Variants in MSI2 observed in about 807,000 individuals in gnomAD.
MSI2 encodes RNA-binding protein Musashi homolog 2.
MSI2 carries 17 observed loss-of-function variants against 45.6 expected under a neutral mutation model. The ratio of observed to expected loss-of-function variants is 0.37; its 90% CI spans 0.26 to 0.56. The LOEUF (loss-of-function observed/expected upper bound fraction) is 0.56, where lower values mean the gene tolerates loss of function less well. Ranked by LOEUF, MSI2 falls within the 20% of genes least tolerant of loss-of-function variation. The pLI is 0.77. For synonymous variants in MSI2, 156 were observed against 158.2 expected, an observed-to-expected ratio of 0.99 and a Z score of 0.11; for missense variants, 293 against 444.2, an observed-to-expected ratio of 0.66 and a Z score of 3.06.
At chr17:57,571,468 G>A (rs1336404613) in intron 7 of MSI2, among the ~76,000 whole-genome samples, 4 of 152,166 alleles carry the variant, frequency 2.6e-5, no homozygotes, top group African/African-American at 9.7e-5. Context: ...GGTTTCTGGT[G>A]GACCTGGTAG....
At chr17:57,516,393 T>A (rs1174012434) in intron 6 of MSI2, among the ~76,000 whole-genome samples, 26 of 152,204 alleles carry the variant, frequency 1.7e-4, no homozygotes, top group Admixed American at 1.3e-3. Context: ...ATTGTAGGAA[T>A]GGAATGGAAT....
At chr17:57,446,649 CA>C (rs2084905547) in intron 6 of MSI2, among the ~76,000 whole-genome samples, 1 of 152,220 alleles carries the variant, frequency 6.6e-6, no homozygotes, top group Non-Finnish European at 1.5e-5. Flanking sequence ...ATGTTCTTAA[CA>C]GTGCCACTAA....
chr17:57,400,252 T>C (rs1292128891), intron 5 of MSI2, among the ~76,000 whole-genome samples: 1 of 152,032 alleles, frequency 6.6e-6, no homozygotes, highest in African/African-American at 2.4e-5. Context: ...TTCTCCTTTT[T>C]TTTTTTTATT....
At position 57,627,756 on chromosome 17, in the gene MSI2, G is replaced by A. The variant is rs1018962969; in HGVS notation, c.727+453G>A. On this transcript the variant is annotated intron_variant, in intron 10 of 13. Transcript: ENST00000284073. This position sits in a 1 kb window ranked among gnomAD's most constrained non-coding sequence, Gnocchi z 4.6. ...CCTCCACCCCTCCTCCTCCTGCTCC[G>A]TCCTGACTGCTGTGGCTTCGGCGTC... is the stretch of plus-strand genomic sequence containing the variant. 12 of 196,824 alleles carry A rather than the reference G, an allele frequency of 6.1e-5. No individual in the cohort carries two copies. The highest frequency in any genetic ancestry group is 1.9e-4 in the South Asian group (2 of 10,618). 12.2% of individuals were successfully genotyped at this position (196,824 alleles called of 1,614,324 possible). A position where few individuals can be genotyped will look rare whatever the true frequency, so the allele number is the denominator to read the frequency against.
chr17:57,679,467 C>T (rs1487092939), intron 13 of MSI2, 82 bp from the exon 14 acceptor site: 1 of 723,326 alleles, frequency 1.4e-6, no homozygotes, highest in Non-Finnish European at 1.7e-6. Context: ...AAATCGCATA[C>T]TTGTCTGACA....
chr17:57,679,153 T>G lies in MSI2; in HGVS notation c.*32-396T>G, dbSNP rs142520658. ...GTTTTTTTTGTTTGTTTGTTTGTTT[T>G]TTTAACATTTAGCTTTGAAAACAGA... is the stretch of plus-strand genomic sequence containing the variant. On this transcript the variant is annotated intron_variant, in intron 13 of 13. Transcript: ENST00000284073. Among the ~76,000 whole-genome samples the G allele has an allele frequency of 6.6e-4, 100 of 152,374 alleles. 1 individual carries two copies. The East Asian group carries it at 0.016, about 24-fold the overall frequency.
intron 7 of MSI2, among the ~76,000 whole-genome samples, chr17:57,577,072 G>C (rs1003604262): frequency 6.6e-6 from 1 of 152,120 alleles, no homozygotes; most frequent in Non-Finnish European, 1.5e-5. Flanking sequence ...ACAGTATTAC[G>C]GGAAAAATTC....
Position 57,256,778 on chromosome 17 carries a change from C to T in MSI2, c.36C>T (p.Ser12=). Residue 12 remains serine, a synonymous_variant, in exon 1 of 14, where the codon AGC becomes AGT. Coordinates refer to ENST00000284073, the MANE Select transcript of MSI2 (RefSeq NM_138962.4). ...EANGSQGTSG[S]ANDSQHDPGK... is the part of the protein sequence containing the mutation. ...ATGGGAGCCAAGGCACCTCGGGCAGCGCCAACGACTCCCAGCACGACCCCG... is the reference window on the plus strand; with the variant it reads ...ATGGGAGCCAAGGCACCTCGGGCAGTGCCAACGACTCCCAGCACGACCCCG... The T allele has an allele frequency of 6.8e-7, 1 of 1,478,838 alleles. No homozygotes were observed. Among genetic ancestry groups the T allele is most frequent in the Non-Finnish European group, 9.0e-7 (1 of 1,116,694 alleles). 91.6% of individuals were successfully genotyped at this position (1,478,838 alleles called of 1,614,324 possible). A position where few individuals can be genotyped will look rare whatever the true frequency, so the allele number is the denominator to read the frequency against.
chr17:57,504,632 A>C (rs899622689), intron 6 of MSI2, among the ~76,000 whole-genome samples: 3 of 152,140 alleles, frequency 2.0e-5, no homozygotes, highest in African/African-American at 7.2e-5. Flanking sequence ...TGAAGCAAAG[A>C]GAGTTGTAGA....
chr17:57,421,956 C>T (rs774200572), intron 6 of MSI2, among the ~76,000 whole-genome samples: 1 of 152,176 alleles, frequency 6.6e-6, no homozygotes, highest in Non-Finnish European at 1.5e-5. Flanking sequence ...CAGTGTTTGA[C>T]ATTTTGGGCT....
chr17:57,401,290 A>G, intron 5 of MSI2, 89 bp from the exon 6 acceptor site: 1 of 1,076,508 alleles, frequency 9.3e-7, no homozygotes, highest in Non-Finnish European at 1.4e-6. Context: ...TCCTAGAGAA[A>G]TGTGGAGAGC....
chr17:57,529,734 C>T lies in MSI2; in HGVS notation c.454+10C>T, dbSNP rs949840646. On this transcript the variant is annotated intron_variant, in intron 7 of 13. Coordinates refer to ENST00000284073, the MANE Select transcript of MSI2 (RefSeq NM_138962.4). This position sits in a 1 kb window ranked among gnomAD's most constrained non-coding sequence, Gnocchi z 5.3. Reference sequence around the variant, plus strand: ...ACCAACAGGCACAGAGGTAAGATTACCCCAGTGTAAGAGGGTTGCGTTCAC... The same window carrying T: ...ACCAACAGGCACAGAGGTAAGATTATCCCAGTGTAAGAGGGTTGCGTTCAC... 7 of 1,611,312 alleles carry T rather than the reference C, an allele frequency of 4.3e-6. No individual in the cohort carries two copies. Among genetic ancestry groups the T allele is most frequent in the African/African-American group, 1.3e-5 (1 of 74,790 alleles).
At chr17:57,310,986 G>A (rs1188410449) in intron 5 of MSI2, among the ~76,000 whole-genome samples, 1 of 152,268 alleles carries the variant, frequency 6.6e-6, no homozygotes, top group East Asian at 1.9e-4. Context: ...TTTTTTGAAC[G>A]GAATGGTTAT....
intron 6 of MSI2, among the ~76,000 whole-genome samples, chr17:57,526,367 G>GTGTA (rs1304512051): frequency 9.6e-5 from 8 of 83,104 alleles, no homozygotes; most frequent in African/African-American, 5.4e-4. Context: ...GTGTGTGTGT[G>GTGTA]TGTGTGTGTG....
intron 6 of MSI2, among the ~76,000 whole-genome samples, chr17:57,440,284 C>G (rs1432930980): frequency 6.6e-6 from 1 of 152,130 alleles, no homozygotes; most frequent in African/African-American, 2.4e-5. Context: ...AGCCGTGCCC[C>G]TCATTCCCTT....
intron 5 of MSI2, among the ~76,000 whole-genome samples, chr17:57,293,594 TG>T (rs1361141235): frequency 3.6e-5 from 2 of 56,272 alleles, no homozygotes; most frequent in Non-Finnish European, 8.8e-5. Context: ...ATTGTTTTTT[TG>T]TTTTTTTTTT....
At chr17:57,476,691 G>T (rs1470610147) in intron 6 of MSI2, among the ~76,000 whole-genome samples, 1 of 152,158 alleles carries the variant, frequency 6.6e-6, no homozygotes, top group Non-Finnish European at 1.5e-5. Flanking sequence ...GCTGAGGGTT[G>T]GGCACCAAAC....
rs1250242894 is a variant in MSI2 at position 57,575,157 on chromosome 17, C to CA, written c.455-21711_455-21710insA. On this transcript the variant is annotated intron_variant, in intron 7 of 13. Transcript: ENST00000284073. ...ATTCTCTTTTTTAACTCCCTCCCCC[C>CA]GCCACCCCCCGGCTGGAGCAGATCC... Among the ~76,000 whole-genome samples, 46 of 141,690 alleles carry CA rather than the reference C, an allele frequency of 3.2e-4. 3 individuals are homozygous for CA. The highest frequency in any genetic ancestry group is 1.2e-3 in the African/African-American group (44 of 37,472). 93.0% of individuals were successfully genotyped at this position (141,690 alleles called of 152,430 possible).
At position 57,280,314 on chromosome 17, in the gene MSI2, A is replaced by G. The variant is rs564453303; in HGVS notation, c.312+18122A>G. 2.0e-5 allele frequency among the ~76,000 whole-genome samples: 3 copies of G among 152,338 alleles called. No individual in the cohort carries two copies. The South Asian group carries it at 6.2e-4, about 32-fold the overall frequency. Reference sequence around the variant, plus strand: ...TTTGAAAATATCTCTCTGACAGTCTACACGAAAAGTGGCTTGTGGGTACCC... The same window carrying G: ...TTTGAAAATATCTCTCTGACAGTCTGCACGAAAAGTGGCTTGTGGGTACCC... On this transcript the variant is annotated intron_variant, in intron 5 of 13. Coordinates refer to ENST00000284073, the MANE Select transcript of MSI2 (RefSeq NM_138962.4). The surrounding 1 kb of genome is among the most constrained non-coding windows in gnomAD (Gnocchi z 4.2).
Sources: gnomAD v4.1 joint callset for allele counts (sites outside exome capture counted in the v4.1 genomes callset) on GRCh38, gnomAD v4.1.1 for gene constraint, Gnocchi (gnomAD v3.1) non-coding constraint, MANE v1.5 for transcripts, NCBI Gene and HGNC (gene_info 2026-07-23, HGNC 2026-07-21) for gene names.